FIG4: variants seen among roughly 807,000 people sequenced by gnomAD.
FIG4 encodes the protein FIG4 phosphoinositide 5-phosphatase, also known as polyphosphoinositide phosphatase.
FIG4 carries 112 observed loss-of-function variants against 118.6 expected under a neutral mutation model. The observed-to-expected ratio is 0.94, with a 90% CI of 0.81 to 1.11. FIG4 has a LOEUF of 1.11. Among genes scored for constraint, FIG4 ranks in the 50% least tolerant of loss-of-function variants. The pLI, the probability that FIG4 is intolerant of heterozygous loss-of-function variation, is 0.00. For missense variants in FIG4, 969 were observed against 1,111.7 expected (o/e 0.87, Z 1.83); for synonymous variants, 369 against 381.2 (o/e 0.97, Z 0.37).
chr6:109,744,976 CT>C (rs1371923505), intron 10 of FIG4, among the ~76,000 whole-genome samples: 1 of 151,970 alleles, frequency 6.6e-6, no homozygotes, highest in African/African-American at 2.4e-5. Context: ...TGAACTCATC[CT>C]TTTTTACGGC....
chr6:109,699,089 T>A (rs768963963), intron 1 of FIG4, among the ~76,000 whole-genome samples: 1 of 152,236 alleles, frequency 6.6e-6, no homozygotes, highest in South Asian at 2.1e-4. Flanking sequence ...GTGAAAGATT[T>A]GTGAATAGAG....
At chr6:109,741,936 G>A (rs1186879214) in intron 8 of FIG4, among the ~76,000 whole-genome samples, 1 of 152,036 alleles carries the variant, frequency 6.6e-6, no homozygotes, top group Non-Finnish European at 1.5e-5. Flanking sequence ...ACCATCGTAG[G>A]CCTAACTACA....
intron 10 of FIG4, among the ~76,000 whole-genome samples, chr6:109,755,050 T>G (rs1009742650): frequency 1.3e-5 from 2 of 152,224 alleles, no homozygotes; most frequent in Admixed American, 1.3e-4. Context: ...TTTGGATCTT[T>G]CCTTCTTTCT....
intron 18 of FIG4, among the ~76,000 whole-genome samples, chr6:109,788,485 G>A (rs1778047520): frequency 6.6e-6 from 1 of 152,200 alleles, no homozygotes; most frequent in Non-Finnish European, 1.5e-5. Context: ...AAATTAAGAA[G>A]CGGAGTACCC....
Position 109,743,685 on chromosome 6 carries a change from A to G in FIG4, c.1050A>G (p.Ala350=). Residue 350 remains alanine, a synonymous_variant, in exon 10 of 23, where the codon GCA becomes GCG. Transcript: ENST00000230124. ...TTTTTTCCTTCTCAGTGGATCAGGC[A>G]GATCCATTTGCACATGTGGCTGCCC... The part of the protein sequence containing the change: ...MPKPPITLDQ[A]DPFAHVAALH... The G allele has an allele frequency of 1.2e-6, 2 of 1,608,778 alleles. No homozygotes were observed. The highest frequency in any genetic ancestry group is 1.7e-4 in the Middle Eastern group (1 of 6,046).
At chr6:109,710,509 G>A (rs989113088) in intron 1 of FIG4, among the ~76,000 whole-genome samples, 5 of 152,010 alleles carry the variant, frequency 3.3e-5, no homozygotes, top group Admixed American at 1.3e-4. Flanking sequence ...CAGTTTTTTT[G>A]GAATAGTTTC....
At chr6:109,770,153 A>T (rs1777415586) in intron 15 of FIG4, among the ~76,000 whole-genome samples, 1 of 152,148 alleles carries the variant, frequency 6.6e-6, no homozygotes, top group African/African-American at 2.4e-5. Flanking sequence ...CTTTACAGGG[A>T]AAGCATAGGT....
At position 109,741,552 on chromosome 6, in the gene FIG4, G is replaced by A. The variant is rs923581334; in HGVS notation, c.876+8G>A. The stretch of plus-strand genomic sequence containing the variant: ...AGAGGTGCAAACTGTGAGGTAAGAT[G>A]ACAAACAGTATCTTCACTGACCTTT... On this transcript the variant is annotated splice_region_variant and intron_variant, in intron 8 of 22. Transcript: ENST00000230124. The A allele has an allele frequency of 3.3e-6, 5 of 1,530,928 alleles. No homozygotes were observed. Among genetic ancestry groups the A allele is most frequent in the Non-Finnish European group, 4.5e-6 (5 of 1,104,468 alleles). The allele number at this position is 1,530,928 out of a possible 1,614,324, so 94.8% of individuals were successfully genotyped here.
chr6:109,742,768 A>G (rs1332263918), intron 8 of FIG4, among the ~76,000 whole-genome samples: 1 of 152,024 alleles, frequency 6.6e-6, no homozygotes, highest in African/African-American at 2.4e-5. Context: ...ATATTCTTCT[A>G]GTCTTCCTCA....
intron 1 of FIG4, among the ~76,000 whole-genome samples, chr6:109,700,879 A>C (rs1330967558): frequency 6.6e-6 from 1 of 152,234 alleles, no homozygotes; most frequent in African/African-American, 2.4e-5. Flanking sequence ...AGGATAGCTC[A>C]TTATGTATAT....
intron 22 of FIG4, among the ~76,000 whole-genome samples, chr6:109,811,955 G>A (rs1778731537): frequency 6.6e-6 from 1 of 152,150 alleles, no homozygotes; most frequent in Non-Finnish European, 1.5e-5. Flanking sequence ...TAGGCTTTGT[G>A]TCCCTGCTCA....
chr6:109,714,978 T>A, intron 1 of FIG4, 100 bp from the exon 2 acceptor site: 2 of 654,854 alleles, frequency 3.1e-6, no homozygotes. Flanking sequence ...AAAAGTAACC[T>A]GACTTTATTA....
At position 109,764,895 on chromosome 6, in the gene FIG4, T is replaced by TTTTTTGTTTTTA. The variant is rs1777233108; in HGVS notation, c.1435-107_1435-106insATTTTTGTTTTT. The stretch of plus-strand genomic sequence containing the variant: ...CAGGAATAATACCTGCCCACAGACT[T>TTTTTTGTTTTTA]TTTTTGTTTTTGTTTTTGTTTTTGT... On this transcript the variant is annotated intron_variant, in intron 13 of 22. Coordinates refer to ENST00000230124, the MANE Select transcript of FIG4 (RefSeq NM_014845.6). The TTTTTTGTTTTTA allele has an allele frequency of 1.8e-5, 15 of 811,140 alleles. No individual in the cohort carries two copies. The South Asian group carries it at 2.2e-4, about 12-fold the overall frequency. The allele number at this position is 811,140 out of a possible 1,614,324, so 50.2% of individuals were successfully genotyped here. A position where few individuals can be genotyped will look rare whatever the true frequency, so the allele number is the denominator to read the frequency against.
At chr6:109,796,363 C>G (rs1778286999) in intron 21 of FIG4, among the ~76,000 whole-genome samples, 2 of 152,194 alleles carry the variant, frequency 1.3e-5, no homozygotes, top group Admixed American at 1.3e-4. Context: ...ACTGCCAGCA[C>G]CATCCTGCAT....
intron 10 of FIG4, among the ~76,000 whole-genome samples, chr6:109,747,119 C>T (rs13198852): frequency 0.33 from 49,412 of 151,816 alleles, 8,573 homozygotes; most frequent in South Asian, 0.45. Context: ...GCCAAAAGGC[C>T]GAGAAGCGAT....
intron 3 of FIG4, among the ~76,000 whole-genome samples, chr6:109,723,646 A>G (rs1775678089): frequency 6.6e-6 from 1 of 152,038 alleles, no homozygotes; most frequent in African/African-American, 2.4e-5. Flanking sequence ...GCATGATTCT[A>G]TTTTTTGGCC....
At chr6:109,815,335 C>G (rs1252888971) in intron 22 of FIG4, among the ~76,000 whole-genome samples, 1 of 151,922 alleles carries the variant, frequency 6.6e-6, no homozygotes, top group African/African-American at 2.4e-5. Flanking sequence ...ATATGGACTC[C>G]CATGCCTGCC....
chr6:109,747,990 C>T (rs893183067), intron 10 of FIG4, among the ~76,000 whole-genome samples: 2 of 151,972 alleles, frequency 1.3e-5, no homozygotes, highest in Non-Finnish European at 2.9e-5. Flanking sequence ...AGTAAGGGTT[C>T]GGGCATGTGT....
chr6:109,714,838 C>T (rs1244239915), intron 1 of FIG4, among the ~76,000 whole-genome samples: 1 of 152,124 alleles, frequency 6.6e-6, no homozygotes, highest in Non-Finnish European at 1.5e-5. Context: ...GACCTGGTTA[C>T]TGGGCACATT....
Sources: gnomAD v4.1 joint callset for allele counts (sites outside exome capture counted in the v4.1 genomes callset) on GRCh38, gnomAD v4.1.1 for gene constraint, MANE v1.5 for transcripts, NCBI Gene and HGNC (gene_info 2026-07-23, HGNC 2026-07-21) for gene names.